The following MTREX variants were observed in gnomAD, a reference collection of about 807,000 sequenced individuals.
MTREX encodes the protein Mtr4 exosome RNA helicase, also known as exosome RNA helicase MTR4.
In MTREX, 76 loss-of-function variants were observed where a neutral mutation model predicts 135.4. The observed-to-expected ratio is 0.56, with a 90% CI of 0.47 to 0.68. MTREX has a LOEUF of 0.68. Among genes scored for constraint, MTREX ranks in the 30% least tolerant of loss-of-function variants. The pLI, the probability that MTREX is intolerant of heterozygous loss-of-function variation, is 0.00. For missense variants in MTREX, 920 were observed against 1,262.1 expected (o/e 0.73, Z 4.11); for synonymous variants, 404 against 401.6 (o/e 1.01, Z -0.07).
intron 19 of MTREX, among the ~76,000 whole-genome samples, chr5:55,392,626 A>G (rs1490930983): frequency 2.0e-5 from 3 of 151,690 alleles, no homozygotes; most frequent in African/African-American, 7.3e-5. Context: ...ACCCTCAGCT[A>G]GGCAGTTAAC....
At chr5:55,316,328 A>G (rs1020203560) in intron 1 of MTREX, among the ~76,000 whole-genome samples, 1 of 152,154 alleles carries the variant, frequency 6.6e-6, no homozygotes, top group Non-Finnish European at 1.5e-5. Context: ...GCAGAGACAC[A>G]ACGACAAAAA....
chr5:55,408,288 A>G (rs137868858), intron 22 of MTREX, among the ~76,000 whole-genome samples: 5 of 152,266 alleles, frequency 3.3e-5, no homozygotes, highest in African/African-American at 7.2e-5. Context: ...AACTTCTTCA[A>G]TCTGGTTTTA....
At chr5:55,390,393 A>T (rs1750547631) in intron 19 of MTREX, among the ~76,000 whole-genome samples, 2 of 152,272 alleles carry the variant, frequency 1.3e-5, no homozygotes, top group South Asian at 2.1e-4. Flanking sequence ...GAGCCACCGC[A>T]CCTGGCCTTG....
At chr5:55,313,430 G>T (rs903651295) in intron 1 of MTREX, among the ~76,000 whole-genome samples, 1 of 151,960 alleles carries the variant, frequency 6.6e-6, no homozygotes, top group Non-Finnish European at 1.5e-5. Flanking sequence ...AACAGAAAGA[G>T]ACATGTCTCA....
chr5:55,386,173 AT>A (rs1391987832), intron 18 of MTREX, among the ~76,000 whole-genome samples: 1 of 152,198 alleles, frequency 6.6e-6, no homozygotes, highest in Non-Finnish European at 1.5e-5. Flanking sequence ...TGTAATTGTA[AT>A]TGTCAATGTT....
intron 20 of MTREX, 70 bp from the exon 21 acceptor site, chr5:55,400,163 A>C: frequency 8.5e-7 from 1 of 1,183,092 alleles, no homozygotes; most frequent in Non-Finnish European, 1.2e-6. Flanking sequence ...AAAAAAGGGA[A>C]ACACTGATTT....
In MTREX at chr5:55,378,437, A is replaced by G. The variant is rs769652632; in HGVS notation, c.1934A>G (p.His645Arg). Reference protein sequence around the residue: ...KLGKEIEEYIHKPKYCLPFLQ... With the variant: ...KLGKEIEEYIRKPKYCLPFLQ... ...GGTAAAGAAATTGAAGAATATATTC[A>G]CAAACCAAAATACTGCTTACCTTTT... The change falls in exon 17 of 27, where the codon CAC (histidine) becomes CGC (arginine). Residue 645 changes from histidine to arginine, a missense_variant. Coordinates refer to ENST00000230640, the MANE Select transcript of MTREX (RefSeq NM_015360.5). 5 of 1,612,414 alleles carry G rather than the reference A, an allele frequency of 3.1e-6. No homozygotes were observed. Among genetic ancestry groups the G allele is most frequent in the African/African-American group, 1.3e-5 (1 of 75,010 alleles).
intron 1 of MTREX, among the ~76,000 whole-genome samples, chr5:55,312,158 T>C (rs1456390477): frequency 6.6e-6 from 1 of 152,190 alleles, no homozygotes; most frequent in African/African-American, 2.4e-5. Flanking sequence ...TCTGTTTTTA[T>C]CATTTCTCTC....
intron 1 of MTREX, among the ~76,000 whole-genome samples, chr5:55,310,372 C>T (rs1749091678): frequency 6.6e-6 from 1 of 152,134 alleles, no homozygotes; most frequent in Non-Finnish European, 1.5e-5. Context: ...CTTTGGGAGG[C>T]GGAGGCTGGC....
intron 13 of MTREX, among the ~76,000 whole-genome samples, chr5:55,351,836 C>A (rs1749833102): frequency 6.6e-6 from 1 of 150,414 alleles, no homozygotes; most frequent in Admixed American, 6.6e-5. Flanking sequence ...CTATATATGA[C>A]TCATACTTTT....
At chr5:55,423,247 A>G in intron 26 of MTREX, 1 of 390,628 alleles carries the variant, frequency 2.6e-6, no homozygotes, top group Admixed American at 4.3e-5. Flanking sequence ...GAACAAAAAG[A>G]CACCCCTGCC....
intron 1 of MTREX, 35 bp from the exon 2 acceptor site, chr5:55,322,292 A>G (rs777797302): frequency 5.1e-6 from 8 of 1,557,090 alleles, no homozygotes; most frequent in Non-Finnish European, 6.9e-6. Context: ...AAAAGTGGAT[A>G]CTGCAGAATT....
intron 19 of MTREX, among the ~76,000 whole-genome samples, chr5:55,394,489 G>T (rs1285189216): frequency 6.6e-6 from 1 of 152,140 alleles, no homozygotes; most frequent in African/African-American, 2.4e-5. Context: ...GGATGAAACT[G>T]TCCCACCTCA....
At chr5:55,401,093 G>A (rs937931241) in intron 21 of MTREX, among the ~76,000 whole-genome samples, 1 of 152,158 alleles carries the variant, frequency 6.6e-6, no homozygotes, top group African/African-American at 2.4e-5. Flanking sequence ...TCAGTCCAGT[G>A]GCATGATTAT....
At chr5:55,351,752 T>A (rs564572194) in intron 13 of MTREX, among the ~76,000 whole-genome samples, 5 of 152,248 alleles carry the variant, frequency 3.3e-5, no homozygotes, top group Admixed American at 1.3e-4. Context: ...TTACTTTTTT[T>A]AAATGATATT....
intron 15 of MTREX, among the ~76,000 whole-genome samples, chr5:55,361,027 A>G (rs1167842111): frequency 2.6e-5 from 4 of 152,212 alleles, no homozygotes; most frequent in African/African-American, 9.6e-5. Flanking sequence ...TCTAACTACT[A>G]TATGGTACTG....
At chr5:55,361,638 A>G (rs1371573910) in intron 15 of MTREX, among the ~76,000 whole-genome samples, 1 of 151,618 alleles carries the variant, frequency 6.6e-6, no homozygotes, top group African/African-American at 2.4e-5. Flanking sequence ...TATTTTTTTT[A>G]GTAGAAACGG....
At chr5:55,396,892 T>C (rs976981132) in intron 19 of MTREX, among the ~76,000 whole-genome samples, 1 of 152,344 alleles carries the variant, frequency 6.6e-6, no homozygotes, top group Non-Finnish European at 1.5e-5. Context: ...TTGATGTCGA[T>C]AATGTGCCAT....
chr5:55,424,965 GTA>G lies in MTREX; in HGVS notation c.*196_*197del, dbSNP rs1340171458. 3.1e-6 allele frequency: 2 copies of G among 640,938 alleles called. No individual in the cohort carries two copies. Among genetic ancestry groups the G allele is most frequent in the Non-Finnish European group, 5.2e-6 (2 of 381,096 alleles). The allele number at this position is 640,938 out of a possible 1,614,324, so 39.7% of individuals were successfully genotyped here. On this transcript the variant is annotated 3_prime_UTR_variant, in exon 27 of 27. Transcript: ENST00000230640. ...AGCATTACATTTTTTTAATAAAAATGTATACAGGTGGGGCACTGTTTTGGTGG... is the reference window on the plus strand; with the variant it reads ...AGCATTACATTTTTTTAATAAAAATGTACAGGTGGGGCACTGTTTTGGTGG...
Sources: allele counts gnomAD v4.1 joint callset (sites outside exome capture counted in the v4.1 genomes callset), GRCh38; gene constraint gnomAD v4.1.1; transcripts MANE v1.5; gene names NCBI Gene and HGNC (gene_info 2026-07-23, HGNC 2026-07-21).